Variants in CTTNBP2NL observed in about 807,000 individuals in gnomAD.
The protein encoded by CTTNBP2NL is CTTNBP2 N-terminal-like protein.
In CTTNBP2NL, 16 loss-of-function variants were observed where a neutral mutation model predicts 32.5. The ratio of observed to expected loss-of-function variants is 0.49; its 90% CI spans 0.33 to 0.75. The LOEUF is 0.75. CTTNBP2NL is among the 30% of genes least tolerant of loss of function. The probability of loss-of-function intolerance (pLI) is 0.02; values close to 1 mark genes in which losing one functional copy is unlikely to be tolerated. For missense variants in CTTNBP2NL, 645 were observed against 756.0 expected, an observed-to-expected ratio of 0.85 and a Z score of 1.72; for synonymous variants, 298 against 289.4, an observed-to-expected ratio of 1.03 and a Z score of -0.30.
intron 3 of CTTNBP2NL, among the ~76,000 whole-genome samples, chr1:112,422,951 C>A (rs1157911330): frequency 6.6e-6 from 1 of 152,066 alleles, no homozygotes; most frequent in Non-Finnish European, 1.5e-5. Flanking sequence ...CACCACCATG[C>A]CTGGCTAATT....
upstream of CTTNBP2NL, among the ~76,000 whole-genome samples, chr1:112,395,263 T>C (rs752396661): frequency 1.9e-4 from 29 of 152,264 alleles, no homozygotes; most frequent in Non-Finnish European, 3.7e-4. Context: ...TGTAACCAGC[T>C]GCATCAATCT....
In CTTNBP2NL at chr1:112,460,175, T is replaced by C. The variant is rs763941269; in HGVS notation, c.*2763T>C. On this transcript the variant is annotated 3_prime_UTR_variant, in exon 6 of 6. Transcript: ENST00000271277. ...GCATTAACGTTTGTAAAGCCAAATA[T>C]ACCATGCAGAAGTCTTCATTTTTAT... is the stretch of plus-strand genomic sequence containing the variant. 2.6e-5 allele frequency: 4 copies of C among 152,190 alleles called. No individual in the cohort carries two copies. Among genetic ancestry groups the C allele is most frequent in the Non-Finnish European group, 5.9e-5 (4 of 68,030 alleles). The allele number at this position is 152,190 out of a possible 1,614,324, so 9.4% of individuals were successfully genotyped here. A position where few individuals can be genotyped will look rare whatever the true frequency, so the allele number is the denominator to read the frequency against.
chr1:112,454,641 G>A (rs1449997692), intron 5 of CTTNBP2NL, 85 bp downstream of exon 5: 5 of 984,574 alleles, frequency 5.1e-6, no homozygotes, highest in Non-Finnish European at 8.1e-6. Context: ...AACTGGTATT[G>A]TTCAGAAAAG....
intron 1 of CTTNBP2NL, among the ~76,000 whole-genome samples, chr1:112,406,472 A>G (rs1050791074): frequency 6.6e-6 from 1 of 152,198 alleles, no homozygotes; most frequent in Non-Finnish European, 1.5e-5. Flanking sequence ...GGCTTTGAGC[A>G]AGTTTTTTAG....
intron 3 of CTTNBP2NL, among the ~76,000 whole-genome samples, chr1:112,448,705 T>C (rs1650124843): frequency 6.6e-6 from 1 of 152,232 alleles, no homozygotes; most frequent in Non-Finnish European, 1.5e-5. Context: ...CAAGTTAATC[T>C]GACTATAAAT....
intron 3 of CTTNBP2NL, among the ~76,000 whole-genome samples, chr1:112,433,281 C>T (rs985590847): frequency 2.0e-5 from 3 of 151,896 alleles, no homozygotes; most frequent in African/African-American, 7.3e-5. Context: ...TATGTGCGTG[C>T]ATGCGTGCGT....
intron 1 of CTTNBP2NL, among the ~76,000 whole-genome samples, chr1:112,411,581 A>T (rs1648867717): frequency 6.6e-6 from 1 of 152,176 alleles, no homozygotes; most frequent in Non-Finnish European, 1.5e-5. Context: ...CAAAGTCGAG[A>T]TGCTAAGAGG....
At chr1:112,445,514 T>C (rs1318394820) in intron 3 of CTTNBP2NL, among the ~76,000 whole-genome samples, 2 of 152,206 alleles carry the variant, frequency 1.3e-5, no homozygotes, top group East Asian at 1.9e-4. Context: ...ATAATAAATA[T>C]AGACTTTGAA....
At chr1:112,426,526 TA>T (rs201149112) in intron 3 of CTTNBP2NL, among the ~76,000 whole-genome samples, 1 of 145,274 alleles carries the variant, frequency 6.9e-6, no homozygotes, top group Non-Finnish European at 1.5e-5. Context: ...ACCCCATCTC[TA>T]AAAAAAAGAA....
intron 3 of CTTNBP2NL, among the ~76,000 whole-genome samples, chr1:112,448,293 C>CT (rs1174943030): frequency 6.6e-6 from 1 of 152,314 alleles, no homozygotes; most frequent in African/African-American, 2.4e-5. Context: ...CTCCATCCTC[C>CT]TTGACCCATC....
intron 1 of CTTNBP2NL, among the ~76,000 whole-genome samples, chr1:112,407,972 G>C (rs979048055): frequency 1.4e-5 from 2 of 147,616 alleles, no homozygotes; most frequent in African/African-American, 5.0e-5. Context: ...AGCCTACCAA[G>C]TAGCTGGGAC....
intron 2 of CTTNBP2NL, 63 bp downstream of exon 2, chr1:112,412,380 G>C (rs1648898179): frequency 6.6e-6 from 1 of 152,046 alleles, no homozygotes; most frequent in Admixed American, 6.6e-5. Flanking sequence ...CAATTTTACT[G>C]TCATTCTTTT....
chr1:112,392,272 G>T (rs1648206682), upstream of CTTNBP2NL, among the ~76,000 whole-genome samples: 1 of 152,168 alleles, frequency 6.6e-6, no homozygotes, highest in African/African-American at 2.4e-5. Context: ...TGCAAAAGGG[G>T]ACTGTTAATA....
intron 1 of CTTNBP2NL, among the ~76,000 whole-genome samples, chr1:112,403,202 C>T (rs1302845706): frequency 6.6e-6 from 1 of 152,162 alleles, no homozygotes; most frequent in East Asian, 1.9e-4. Context: ...TTTTTCCCGA[C>T]TACTCTTTCT....
chr1:112,443,324 G>A (rs1330671025), intron 3 of CTTNBP2NL, among the ~76,000 whole-genome samples: 1 of 151,882 alleles, frequency 6.6e-6, no homozygotes, highest in Non-Finnish European at 1.5e-5. Flanking sequence ...AGTGATTCTC[G>A]TGCCTCAGCC....
intron 3 of CTTNBP2NL, among the ~76,000 whole-genome samples, chr1:112,439,774 G>T (rs1167965097): frequency 5.9e-5 from 9 of 152,148 alleles, no homozygotes; most frequent in African/African-American, 2.2e-4. Context: ...CAACCTCATG[G>T]TGTTTCCTGT....
At chr1:112,410,384 T>TC (rs1648818502) in intron 1 of CTTNBP2NL, among the ~76,000 whole-genome samples, 1 of 133,796 alleles carries the variant, frequency 7.5e-6, no homozygotes, top group Non-Finnish European at 1.6e-5. Flanking sequence ...AGAGCGAAAC[T>TC]CCATCTCAAA....
Position 112,454,474 on chromosome 1 carries a change from G to A in CTTNBP2NL, c.356G>A (p.Arg119Lys). The change falls in exon 5 of 6, where the codon AGG (arginine) becomes AAG (lysine). Residue 119 changes from arginine (R) to lysine (K), a missense_variant. By Grantham distance (26) the Arg-to-Lys change is conservative. Coordinates refer to ENST00000271277, the MANE Select transcript of CTTNBP2NL (RefSeq NM_018704.3). ...GTGATCCTAGACCTTGAGGAAGAAA[G>A]GCAGCGGCATGCACAGGATACGGCT... ...RKVILDLEEE[R>K]QRHAQDTAEG... 6.2e-7 allele frequency: 1 copy of A among 1,613,920 alleles called. No individual in the cohort carries two copies. The highest frequency in any genetic ancestry group is 8.5e-7 in the Non-Finnish European group (1 of 1,179,842).
chr1:112,413,101 T>C, intron 2 of CTTNBP2NL, among the ~76,000 whole-genome samples: 1 of 152,264 alleles, frequency 6.6e-6, no homozygotes, highest in East Asian at 1.9e-4. Flanking sequence ...TTAATTTTAC[T>C]CTTTTATAAG....
Sources: allele counts gnomAD v4.1 joint callset (sites outside exome capture counted in the v4.1 genomes callset), GRCh38; gene constraint gnomAD v4.1.1; transcripts MANE v1.5; gene names NCBI Gene and HGNC (gene_info 2026-07-23, HGNC 2026-07-21).